The following TMEM131 variants were observed in gnomAD, a reference collection of about 807,000 sequenced individuals.
The protein encoded by TMEM131 is 2610524E03Rik.
TMEM131 carries 66 observed loss-of-function variants against 211.6 expected under a neutral mutation model. That is an observed-to-expected ratio of 0.31 (90% CI 0.26 to 0.38). TMEM131 has a LOEUF of 0.38. Among genes scored for constraint, TMEM131 ranks in the 10% least tolerant of loss-of-function variants. The pLI is 1.00. For missense variants in TMEM131, 2,036 were observed against 2,299.3 expected (o/e 0.89, Z 2.34); for synonymous variants, 844 against 841.3 (o/e 1.00, Z -0.06).
chr2:97,798,811 C>T (rs1288211007), intron 25 of TMEM131, among the ~76,000 whole-genome samples: 2 of 152,224 alleles, frequency 1.3e-5, no homozygotes, highest in South Asian at 4.1e-4. Flanking sequence ...TCCACTAAGA[C>T]AGAAGAATAT....
chr2:97,915,865 T>C (rs569281128), intron 2 of TMEM131, among the ~76,000 whole-genome samples: 8 of 152,320 alleles, frequency 5.3e-5, no homozygotes, highest in African/African-American at 1.9e-4. Context: ...AGACTTTGCA[T>C]ACCATTTTAG....
intron 33 of TMEM131, among the ~76,000 whole-genome samples, chr2:97,770,004 C>T (rs1017914981): frequency 1.3e-5 from 2 of 152,244 alleles, no homozygotes; most frequent in Middle Eastern, 3.4e-3. Context: ...ACAAAGCTTC[C>T]GAAAGACAGC....
chr2:97,952,084 G>A (rs549591828), intron 1 of TMEM131, among the ~76,000 whole-genome samples: 1 of 151,816 alleles, frequency 6.6e-6, no homozygotes, highest in Non-Finnish European at 1.5e-5. Context: ...TTGAACCCGG[G>A]AGGCGGAGGG....
chr2:97,982,699 GATTAA>G (rs1371902867), intron 1 of TMEM131, among the ~76,000 whole-genome samples: 1 of 152,126 alleles, frequency 6.6e-6, no homozygotes, highest in Non-Finnish European at 1.5e-5. Flanking sequence ...TTGTAGATGT[GATTAA>G]ATTAAGGATT....
At chr2:97,970,076 G>C (rs959945306) in intron 1 of TMEM131, among the ~76,000 whole-genome samples, 7 of 152,176 alleles carry the variant, frequency 4.6e-5, no homozygotes, top group African/African-American at 1.7e-4. Flanking sequence ...GCTATTGTGA[G>C]CCCTAAGTAC....
chr2:97,984,727 A>G (rs1421797782), intron 1 of TMEM131, among the ~76,000 whole-genome samples: 3 of 150,538 alleles, frequency 2.0e-5, no homozygotes, highest in Non-Finnish European at 4.4e-5. Context: ...ATATATTACT[A>G]TAATAATTAC....
intron 3 of TMEM131, among the ~76,000 whole-genome samples, chr2:97,898,522 C>A (rs952584375): frequency 5.9e-5 from 9 of 152,090 alleles, no homozygotes; most frequent in Admixed American, 1.3e-4. Context: ...CACCAGAAAG[C>A]CCCCATGCAC....
intron 2 of TMEM131, among the ~76,000 whole-genome samples, chr2:97,919,713 G>A (rs1364725462): frequency 6.6e-6 from 1 of 152,168 alleles, no homozygotes; most frequent in Non-Finnish European, 1.5e-5. Context: ...TGGGATTACA[G>A]GCATGTGCCA....
chr2:97,831,664 CTTTTTT>C (rs11378393), intron 11 of TMEM131, among the ~76,000 whole-genome samples: 71 of 80,626 alleles, frequency 8.8e-4, no homozygotes, highest in Middle Eastern at 0.012. Flanking sequence ...TCACATACCT[CTTTTTT>C]TTTTTTTTTT....
At chr2:97,764,919 G>A (rs561348373) in intron 35 of TMEM131, 2 of 152,192 alleles carry the variant, frequency 1.3e-5, no homozygotes, top group Non-Finnish European at 2.9e-5. Context: ...TCACCAACAC[G>A]GCTCATGTCA....
intron 4 of TMEM131, among the ~76,000 whole-genome samples, chr2:97,881,178 G>A (rs946664712): frequency 6.6e-6 from 1 of 151,990 alleles, no homozygotes; most frequent in Non-Finnish European, 1.5e-5. Flanking sequence ...GATTGCCGCA[G>A]TATCCTAGGC....
intron 31 of TMEM131, among the ~76,000 whole-genome samples, chr2:97,785,869 T>C (rs1161552352): frequency 6.6e-6 from 1 of 152,206 alleles, no homozygotes; most frequent in African/African-American, 2.4e-5. Context: ...CTCCAGAGAA[T>C]TAAACTGACT....
intron 1 of TMEM131, among the ~76,000 whole-genome samples, chr2:97,932,524 T>A (rs1300836666): frequency 6.6e-6 from 1 of 152,222 alleles, no homozygotes; most frequent in African/African-American, 2.4e-5. Flanking sequence ...GTAATTCAGA[T>A]GTGCAGGATA....
chr2:97,879,295 C>G (rs1206711081), intron 4 of TMEM131, among the ~76,000 whole-genome samples: 1 of 152,190 alleles, frequency 6.6e-6, no homozygotes, highest in Non-Finnish European at 1.5e-5. Context: ...CAGAAGACTC[C>G]TGGTGGTGTT....
rs186521880 is a variant in TMEM131, at chr2:97,882,222, C to T, written c.359+5830G>A. On this transcript the variant is annotated intron_variant, in intron 4 of 40. Transcript: ENST00000186436. ...ATCAACTTGACTTGAACTAAAGTCCCCAGAACTCCCTTTCTAGTATGTTTC... is the reference window on the plus strand; with the variant it reads ...ATCAACTTGACTTGAACTAAAGTCCTCAGAACTCCCTTTCTAGTATGTTTC... 1.2e-3 allele frequency among the ~76,000 whole-genome samples: 183 copies of T among 152,164 alleles called. 1 individual carries two copies. Among genetic ancestry groups the T allele is most frequent in the African/African-American group, 4.2e-3 (175 of 41,484 alleles).
chr2:97,841,457 T>C (rs1683188211), intron 7 of TMEM131, among the ~76,000 whole-genome samples: 1 of 152,148 alleles, frequency 6.6e-6, no homozygotes, highest in Non-Finnish European at 1.5e-5. Context: ...TGAACTGTTT[T>C]AAAAAACATG....
Position 97,833,431 on chromosome 2 carries a change from T to C in TMEM131, c.1013-5A>G. Reference sequence around the variant, plus strand: ...GGTTTAAAACTTTTGGTAGATCTGTTAAAATTGAGGAAAAGAAATATTTCT... The same window carrying C: ...GGTTTAAAACTTTTGGTAGATCTGTCAAAATTGAGGAAAAGAAATATTTCT... On this transcript the variant is annotated splice_polypyrimidine_tract_variant and splice_region_variant and intron_variant, in intron 10 of 40. Coordinates refer to ENST00000186436, the MANE Select transcript of TMEM131 (RefSeq NM_015348.2). The C allele has an allele frequency of 7.8e-7, 1 of 1,281,070 alleles. No homozygotes were observed. The highest frequency in any genetic ancestry group is 1.1e-6 in the Non-Finnish European group (1 of 915,142). The allele number at this position is 1,281,070 out of a possible 1,614,324, so 79.4% of individuals were successfully genotyped here.
chr2:97,940,748 G>A (rs929648899), intron 1 of TMEM131, among the ~76,000 whole-genome samples: 1 of 151,268 alleles, frequency 6.6e-6, no homozygotes, highest in African/African-American at 2.4e-5. Flanking sequence ...GGCGGAGCTT[G>A]CAGTGAGCCA....
intron 6 of TMEM131, among the ~76,000 whole-genome samples, chr2:97,842,197 T>C (rs1252278972): frequency 6.6e-6 from 1 of 152,084 alleles, no homozygotes; most frequent in Non-Finnish European, 1.5e-5. Flanking sequence ...AGCCATGCAA[T>C]AGACAAAAGA....
Sources: gnomAD v4.1 joint callset for allele counts (sites outside exome capture counted in the v4.1 genomes callset) on GRCh38, gnomAD v4.1.1 for gene constraint, MANE v1.5 for transcripts, NCBI Gene and HGNC (gene_info 2026-07-23, HGNC 2026-07-21) for gene names.